GPR107: variants seen among roughly 807,000 people sequenced by gnomAD.
GPR107 encodes the protein G protein-coupled receptor 107.
In GPR107, 31 loss-of-function variants were observed where a neutral mutation model predicts 75.5. The observed-to-expected ratio is 0.41, with a 90% CI of 0.31 to 0.55. The LOEUF (loss-of-function observed/expected upper bound fraction) is 0.55. Among genes scored for constraint, GPR107 ranks in the 20% least tolerant of loss-of-function variants. The pLI, the probability that GPR107 is intolerant of heterozygous loss-of-function variation, is 0.26. For missense variants in GPR107, 572 were observed against 665.7 expected (o/e 0.86, Z 1.55); for synonymous variants, 267 against 251.3 (o/e 1.06, Z -0.59).
intron 1 of GPR107, among the ~76,000 whole-genome samples, chr9:130,054,843 T>A (rs781208347): frequency 5.3e-5 from 8 of 152,126 alleles, no homozygotes; most frequent in Non-Finnish European, 1.2e-4. Flanking sequence ...CTGGGAGGCC[T>A]ATGCAGGAGG....
At chr9:130,058,925 G>T (rs78375088) in intron 1 of GPR107, among the ~76,000 whole-genome samples, 2,488 of 152,218 alleles carry the variant, frequency 0.016, 28 homozygotes, top group East Asian at 0.03. Context: ...TGGATGTTTG[G>T]GTTGTTTCCA....
chr9:130,075,436 G>C lies in GPR107; in HGVS notation c.142-200G>C, dbSNP rs192428337. 1.3e-3 allele frequency among the ~76,000 whole-genome samples: 198 copies of C among 152,082 alleles called. 1 individual carries two copies. The highest frequency in any genetic ancestry group is 2.5e-3 in the Non-Finnish European group (169 of 67,978). Reference sequence around the variant, plus strand: ...ACTTTTTGTATTTTTAGTAGAGACAGGGTTTCGCCATGTTGGCCAGTGTGG... The same window carrying C: ...ACTTTTTGTATTTTTAGTAGAGACACGGTTTCGCCATGTTGGCCAGTGTGG... On this transcript the variant is annotated intron_variant, in intron 1 of 17. Transcript: ENST00000347136.
Position 130,069,999 on chromosome 9 carries a change from T to TTTTTTTTTTTTTTTTTTG in GPR107, c.142-5625_142-5624insTTTTTGTTTTTTTTTTTT. Among the ~76,000 whole-genome samples, 2 of 42,986 alleles carry TTTTTTTTTTTTTTTTTTG rather than the reference T, an allele frequency of 4.7e-5. 1 individual carries two copies. The highest frequency in any genetic ancestry group is 1.0e-4 in the Non-Finnish European group (2 of 19,416). 28.2% of individuals were successfully genotyped at this position (42,986 alleles called of 152,430 possible). A position where few individuals can be genotyped will look rare whatever the true frequency, so the allele number is the denominator to read the frequency against. The stretch of plus-strand genomic sequence containing the variant: ...TGCCTGGCCTCTTTTTTTTTTTTTT[T>TTTTTTTTTTTTTTTTTTG]TTTTTTTTTTTTAAATTTTTTTGAG... On this transcript the variant is annotated intron_variant, in intron 1 of 17. Transcript: ENST00000347136.
In GPR107 at chr9:130,103,403, G is replaced by A. The variant is rs548560450; in HGVS notation, c.1132-1017G>A. Among the ~76,000 whole-genome samples the A allele has an allele frequency of 2.6e-5, 4 of 152,302 alleles. No individual in the cohort carries two copies. In the South Asian group the frequency reaches 8.3e-4, roughly 32 times the overall value. On this transcript the variant is annotated intron_variant, in intron 12 of 17. Coordinates refer to ENST00000347136, the MANE Select transcript of GPR107 (RefSeq NM_020960.5). The surrounding 1 kb of genome is among the most constrained non-coding windows in gnomAD (Gnocchi z 4.3). ...CAGGGACTTCTCATGGGGTATATAG[G>A]TGGAATGATAACCTCTGCATCCATT...
intron 1 of GPR107, among the ~76,000 whole-genome samples, chr9:130,056,726 C>T (rs993010736): frequency 2.6e-5 from 4 of 151,588 alleles, no homozygotes; most frequent in African/African-American, 9.7e-5. Context: ...GAGATTGAGA[C>T]CATCCTGGCT....
chr9:130,098,913 C>T (rs777446142), intron 9 of GPR107, among the ~76,000 whole-genome samples: 11 of 151,862 alleles, frequency 7.2e-5, no homozygotes, highest in South Asian at 2.1e-4. Flanking sequence ...GAGGTTGAGG[C>T]GGTGGGGGGG....
intron 17 of GPR107, 157 bp downstream of exon 17, chr9:130,128,918 G>C (rs1831751960): frequency 6.0e-6 from 4 of 664,908 alleles, no homozygotes; most frequent in African/African-American, 1.8e-5. Flanking sequence ...GCCCCAGGCT[G>C]TCTGATCTGG....
At chr9:130,061,151 C>T (rs1388280536) in intron 1 of GPR107, among the ~76,000 whole-genome samples, 1 of 152,192 alleles carries the variant, frequency 6.6e-6, no homozygotes, top group Admixed American at 6.6e-5. Context: ...GTGGGCACTT[C>T]TAGACACAGG....
chr9:130,104,631 T>C (rs1564676259), intron 13 of GPR107, 81 bp downstream of exon 13: 3 of 1,151,328 alleles, frequency 2.6e-6, no homozygotes, highest in Non-Finnish European at 3.9e-6. Context: ...CCCAAACTGA[T>C]CTCAGTCACA....
intron 1 of GPR107, among the ~76,000 whole-genome samples, chr9:130,059,524 T>C (rs1309448414): frequency 6.6e-6 from 1 of 152,092 alleles, no homozygotes; most frequent in African/African-American, 2.4e-5. Context: ...ATCAAAGGCA[T>C]TGCATCATTT....
intron 1 of GPR107, among the ~76,000 whole-genome samples, chr9:130,060,403 T>G (rs74776384): frequency 6.4e-3 from 14 of 2,202 alleles, no homozygotes; most frequent in African/African-American, 0.019. Flanking sequence ...ATAATCCGAG[T>G]TTTTTTTTTT....
intron 13 of GPR107, 105 bp downstream of exon 13, chr9:130,104,655 T>A: frequency 1.1e-6 from 1 of 937,738 alleles, no homozygotes; most frequent in Non-Finnish European, 1.7e-6. Flanking sequence ...GACGTGTGTT[T>A]AAAAGTACAG....
At chr9:130,062,282 G>C (rs528505) in intron 1 of GPR107, among the ~76,000 whole-genome samples, 3 of 151,620 alleles carry the variant, frequency 2.0e-5, no homozygotes, top group Non-Finnish European at 4.4e-5. Context: ...GCGTGGTGGC[G>C]CATGCCTGTA....
At chr9:130,131,851 C>T (rs1041475572) in intron 17 of GPR107, among the ~76,000 whole-genome samples, 2 of 152,256 alleles carry the variant, frequency 1.3e-5, no homozygotes, top group Admixed American at 6.5e-5. Context: ...TGGCTGACCT[C>T]TTCACTCCCG....
chr9:130,119,968 C>T (rs1380174820), intron 14 of GPR107, among the ~76,000 whole-genome samples: 7 of 152,146 alleles, frequency 4.6e-5, no homozygotes, highest in Admixed American at 4.6e-4. Flanking sequence ...GGACTACAGC[C>T]ATGTGTCACC....
intron 8 of GPR107, among the ~76,000 whole-genome samples, chr9:130,091,687 C>A (rs1830742812): frequency 6.6e-6 from 1 of 151,508 alleles, no homozygotes; most frequent in African/African-American, 2.4e-5. Flanking sequence ...TTTCACAATG[C>A]CTGGCTAATT....
At chr9:130,119,566 C>T (rs1258419659) in intron 14 of GPR107, among the ~76,000 whole-genome samples, 1 of 152,136 alleles carries the variant, frequency 6.6e-6, no homozygotes, top group Non-Finnish European at 1.5e-5. Context: ...GCCACACAGC[C>T]AGTGAGCAGC....
intron 17 of GPR107, chr9:130,129,261 G>A (rs1831762526): frequency 6.5e-6 from 1 of 154,568 alleles, no homozygotes; most frequent in Admixed American, 6.4e-5. Context: ...GAGTCACACA[G>A]TGAATGACTC....
At chr9:130,054,338 G>A (rs991168177) in intron 1 of GPR107, among the ~76,000 whole-genome samples, 24 of 152,230 alleles carry the variant, frequency 1.6e-4, no homozygotes, top group Non-Finnish European at 3.2e-4. Context: ...ACGGACTCGG[G>A]AGGCTGCTCT....
Sources: gnomAD v4.1 joint callset for allele counts (sites outside exome capture counted in the v4.1 genomes callset) on GRCh38, gnomAD v4.1.1 for gene constraint, Gnocchi (gnomAD v3.1) non-coding constraint, MANE v1.5 for transcripts, NCBI Gene and HGNC (gene_info 2026-07-23, HGNC 2026-07-21) for gene names.